Variants in SYT9 observed in about 807,000 individuals in gnomAD.
SYT9 encodes synaptotagmin 9.
A neutral mutation model predicts 48.4 loss-of-function variants in SYT9; 22 were observed. The observed-to-expected ratio is 0.45, with a 90% CI of 0.32 to 0.65. SYT9 has a LOEUF of 0.65. Among genes scored for constraint, SYT9 ranks in the 30% least tolerant of loss-of-function variants. SYT9 has a pLI of 0.03. For synonymous variants in SYT9, 265 were observed against 245.0 expected (o/e 1.08, Z -0.76); for missense variants, 577 against 622.0 (o/e 0.93, Z 0.77).
intron 3 of SYT9, among the ~76,000 whole-genome samples, chr11:7,412,001 T>C (rs781576398): frequency 3.9e-5 from 6 of 152,210 alleles, no homozygotes; most frequent in Non-Finnish European, 8.8e-5. Context: ...AGGTTTTGAC[T>C]GTATTTTGTA....
intron 3 of SYT9, among the ~76,000 whole-genome samples, chr11:7,326,478 A>C (rs1374444499): frequency 2.1e-5 from 3 of 142,660 alleles, no homozygotes; most frequent in African/African-American, 7.9e-5. Context: ...ATCATTTTTT[A>C]TTGTGCCTAT....
intron 6 of SYT9, among the ~76,000 whole-genome samples, chr11:7,428,580 C>T (rs1432318994): frequency 6.6e-6 from 1 of 152,208 alleles, no homozygotes; most frequent in Non-Finnish European, 1.5e-5. Flanking sequence ...CTCAGGAAGC[C>T]CACTGCTCCT....
upstream of SYT9, among the ~76,000 whole-genome samples, chr11:7,251,125 CACACACA>C (rs1847859295): frequency 3.3e-5 from 5 of 150,706 alleles, no homozygotes; most frequent in Non-Finnish European, 5.9e-5. Flanking sequence ...CACACACACA[CACACACA>C]CCCAGAGTAC....
At chr11:7,346,003 C>A (rs918636392) in intron 3 of SYT9, among the ~76,000 whole-genome samples, 3 of 152,104 alleles carry the variant, frequency 2.0e-5, no homozygotes, top group African/African-American at 7.2e-5. Context: ...GTCACTCTGA[C>A]TGAGAGAGTG....
At chr11:7,328,719 C>T (rs1281759819) in intron 3 of SYT9, among the ~76,000 whole-genome samples, 1 of 152,088 alleles carries the variant, frequency 6.6e-6, no homozygotes, top group African/African-American at 2.4e-5. Flanking sequence ...TTCAGACTTT[C>T]CTTCTAGATT....
intron 1 of SYT9, among the ~76,000 whole-genome samples, chr11:7,300,782 G>A (rs1351187521): frequency 1.3e-5 from 2 of 152,142 alleles, no homozygotes; most frequent in Non-Finnish European, 2.9e-5. Flanking sequence ...TGGTCCCCCA[G>A]CACTATCACC....
chr11:7,449,069 C>T (rs1847990746), intron 6 of SYT9, among the ~76,000 whole-genome samples: 1 of 152,058 alleles, frequency 6.6e-6, no homozygotes, highest in South Asian at 2.1e-4. Flanking sequence ...AGAGGTCAGG[C>T]ATGGTGGCTC....
intron 3 of SYT9, among the ~76,000 whole-genome samples, chr11:7,318,502 CG>C (rs779225581): frequency 9.9e-5 from 15 of 152,026 alleles, no homozygotes; most frequent in Non-Finnish European, 1.9e-4. Flanking sequence ...TTAGTGGAGA[CG>C]GGGTTTCACC....
At chr11:7,345,657 GACA>G (rs1207636620) in intron 3 of SYT9, among the ~76,000 whole-genome samples, 1 of 152,116 alleles carries the variant, frequency 6.6e-6, no homozygotes, top group Non-Finnish European at 1.5e-5. Flanking sequence ...CTACCTGTGA[GACA>G]TTCAAGTATA....
chr11:7,253,988 G>A (rs1199803574), intron 1 of SYT9, among the ~76,000 whole-genome samples: 2 of 152,204 alleles, frequency 1.3e-5, no homozygotes, highest in African/African-American at 4.8e-5. Flanking sequence ...TACAAGAGAA[G>A]ATGGATGAGG....
At chr11:7,368,513 C>T (rs555218794) in intron 3 of SYT9, among the ~76,000 whole-genome samples, 2 of 152,242 alleles carry the variant, frequency 1.3e-5, no homozygotes, top group East Asian at 3.9e-4. Flanking sequence ...CTCTCCCTCC[C>T]CTTGCCCCCA....
intron 6 of SYT9, chr11:7,440,458 T>C (rs1847810083): frequency 6.6e-6 from 1 of 152,044 alleles, no homozygotes; most frequent in African/African-American, 2.4e-5. Context: ...GTATAAGAAG[T>C]TTCATGGAGA....
chr11:7,239,272 A>G (rs570836179), intron 1 of SYT9, among the ~76,000 whole-genome samples: 1 of 152,278 alleles, frequency 6.6e-6, no homozygotes, highest in South Asian at 2.1e-4. Flanking sequence ...GTGAACCGCC[A>G]AGATTCTGGC....
chr11:7,420,020 A>G (rs1185660297), intron 5 of SYT9, among the ~76,000 whole-genome samples: 2 of 152,230 alleles, frequency 1.3e-5, no homozygotes, highest in East Asian at 3.8e-4. Flanking sequence ...CAATAACAGT[A>G]TTCTCTAAAG....
At chr11:7,275,610 A>G (rs1848374097) in intron 1 of SYT9, among the ~76,000 whole-genome samples, 1 of 152,134 alleles carries the variant, frequency 6.6e-6, no homozygotes, top group Non-Finnish European at 1.5e-5. Context: ...CCTAGAACAT[A>G]CCAGCCTTCA....
intron 6 of SYT9, chr11:7,441,428 T>C (rs1847827807): frequency 6.6e-6 from 1 of 152,182 alleles, no homozygotes; most frequent in African/African-American, 2.4e-5. Context: ...TAGAATACTT[T>C]TGATGTAATG....
intron 1 of SYT9, among the ~76,000 whole-genome samples, chr11:7,273,429 C>T (rs561156247): frequency 1.3e-5 from 2 of 151,952 alleles, no homozygotes; most frequent in East Asian, 1.9e-4. Context: ...TATGGCCCAA[C>T]TATATGTAGC....
At position 7,432,578 on chromosome 11, in the gene SYT9, A is replaced by T. The variant is rs1847614703; in HGVS notation, c.1467+11943A>T. ...AAAAAAAAAAAAAAAAAAAAAAAAA[A>T]AAAAATATATATACATATATATATA... On this transcript the variant is annotated intron_variant, in intron 6 of 6. Transcript: ENST00000318881. Among the ~76,000 whole-genome samples, 38 of 8,998 alleles carry T rather than the reference A, an allele frequency of 4.2e-3. 1 individual carries two copies. Among genetic ancestry groups the T allele is most frequent in the South Asian group, 0.015 (2 of 134 alleles). 5.9% of individuals were successfully genotyped at this position (8,998 alleles called of 152,430 possible).
intron 3 of SYT9, among the ~76,000 whole-genome samples, chr11:7,357,211 G>A (rs775818663): frequency 1.3e-5 from 2 of 152,172 alleles, no homozygotes; most frequent in African/African-American, 2.4e-5. Flanking sequence ...GAAACCTACC[G>A]AAGGATTTTT....
Sources: gnomAD v4.1 joint callset for allele counts (sites outside exome capture counted in the v4.1 genomes callset) on GRCh38, gnomAD v4.1.1 for gene constraint, MANE v1.5 for transcripts, NCBI Gene and HGNC (gene_info 2026-07-23, HGNC 2026-07-21) for gene names.